The following ADARB2 variants were observed in gnomAD, a reference collection of about 807,000 sequenced individuals.
ADARB2 encodes the protein inactive double-stranded RNA-specific editase B2.
Under a neutral mutation model 62.2 loss-of-function variants are expected in ADARB2, and 25 were observed. The ratio of observed to expected loss-of-function variants is 0.40; its 90% CI spans 0.29 to 0.56. ADARB2 has a LOEUF of 0.56. Among genes scored for constraint, ADARB2 ranks in the 20% least tolerant of loss-of-function variants. The probability of loss-of-function intolerance (pLI) is 0.43; values close to 1 mark genes in which losing one functional copy is unlikely to be tolerated. For synonymous variants in ADARB2, 572 were observed against 500.8 expected, an observed-to-expected ratio of 1.14 and a Z score of -1.90; for missense variants, 1,071 against 1,077.4, an observed-to-expected ratio of 0.99 and a Z score of 0.08.
intron 1 of ADARB2, among the ~76,000 whole-genome samples, chr10:1,570,101 A>G (rs1280170996): frequency 6.6e-6 from 1 of 152,202 alleles, no homozygotes; most frequent in Non-Finnish European, 1.5e-5. Context: ...ACAAACGTAT[A>G]TACGTTAAAA....
intron 6 of ADARB2, among the ~76,000 whole-genome samples, chr10:1,233,244 A>C (rs1830826835): frequency 6.6e-6 from 1 of 152,152 alleles, no homozygotes; most frequent in African/African-American, 2.4e-5. Context: ...GGAACTTTAT[A>C]GTTCACCTGG....
At chr10:1,505,652 T>A (rs1265748787) in intron 1 of ADARB2, among the ~76,000 whole-genome samples, 1 of 151,620 alleles carries the variant, frequency 6.6e-6, no homozygotes, top group Non-Finnish European at 1.5e-5. Flanking sequence ...ATCCCCACCA[T>A]GGCAGCCACC....
chr10:1,340,316 C>T (rs1193779198), intron 3 of ADARB2, among the ~76,000 whole-genome samples: 2 of 128,846 alleles, frequency 1.6e-5, no homozygotes, highest in African/African-American at 3.3e-5. Flanking sequence ...CGGCAATAAC[C>T]GGCATCCACC....
At chr10:1,461,862 C>T (rs1490020847) in intron 1 of ADARB2, among the ~76,000 whole-genome samples, 3 of 151,964 alleles carry the variant, frequency 2.0e-5, no homozygotes, top group African/African-American at 7.3e-5. Context: ...ATTAGCCAGG[C>T]GTGGTGGCAT....
At chr10:1,707,515 C>G (rs908857566) in intron 1 of ADARB2, among the ~76,000 whole-genome samples, 2 of 152,174 alleles carry the variant, frequency 1.3e-5, no homozygotes, top group Non-Finnish European at 2.9e-5. Flanking sequence ...CGTCCTGATG[C>G]GGAAAATTAA....
intron 1 of ADARB2, among the ~76,000 whole-genome samples, chr10:1,687,096 C>A (rs1169409151): frequency 6.7e-6 from 1 of 148,882 alleles, no homozygotes; most frequent in Non-Finnish European, 1.5e-5. Context: ...GCATGATCTC[C>A]TCTCATTGCA....
In ADARB2 at chr10:1,337,733, C is replaced by T. The variant is rs967702367; in HGVS notation, c.1077+25295G>A. The stretch of plus-strand genomic sequence containing the variant: ...CATTTAGCCACTCCAATTATTGATA[C>T]GATTTTACTATATTGATTTTATTGC... On this transcript the variant is annotated intron_variant, in intron 3 of 9. Transcript: ENST00000381312. Among the ~76,000 whole-genome samples the T allele has an allele frequency of 1.6e-4, 25 of 152,194 alleles. 1 individual carries two copies. The highest frequency in any genetic ancestry group is 1.2e-3 in the Admixed American group (18 of 15,290).
intron 1 of ADARB2, among the ~76,000 whole-genome samples, chr10:1,509,129 C>T (rs763693481): frequency 6.6e-6 from 1 of 152,164 alleles, no homozygotes; most frequent in South Asian, 2.1e-4. Flanking sequence ...GTGCCATGCC[C>T]TCGGTGATTA....
intron 4 of ADARB2, among the ~76,000 whole-genome samples, chr10:1,254,171 ATGG>A (rs1392994020): frequency 2.1e-5 from 3 of 141,278 alleles, no homozygotes; most frequent in Non-Finnish European, 4.5e-5. Context: ...TGGTTAGGAC[ATGG>A]TGGGCTCTGT....
intron 1 of ADARB2, among the ~76,000 whole-genome samples, chr10:1,630,996 T>C (rs144057810): frequency 9.1e-5 from 13 of 142,764 alleles, no homozygotes; most frequent in South Asian, 6.8e-4. Flanking sequence ...AACAAACAAA[T>C]AAATGAAAGA....
intron 1 of ADARB2, among the ~76,000 whole-genome samples, chr10:1,452,465 TA>T (rs1831051467): frequency 1.3e-5 from 2 of 152,044 alleles, no homozygotes; most frequent in Admixed American, 6.6e-5. Flanking sequence ...TATGCAGCCA[TA>T]AAAAAGGTTG....
chr10:1,456,944 G>A (rs1181847293), intron 1 of ADARB2, among the ~76,000 whole-genome samples: 2 of 145,586 alleles, frequency 1.4e-5, no homozygotes, highest in East Asian at 2.2e-4. Context: ...ACAGGCAAGC[G>A]CCACCACGCC....
At chr10:1,482,305 A>T (rs1209505584) in intron 1 of ADARB2, among the ~76,000 whole-genome samples, 2 of 152,260 alleles carry the variant, frequency 1.3e-5, no homozygotes, top group African/African-American at 4.8e-5. Context: ...CGTTATTCAC[A>T]ACAGCCAAAA....
intron 3 of ADARB2, among the ~76,000 whole-genome samples, chr10:1,314,737 G>A (rs1242383911): frequency 6.6e-6 from 1 of 152,146 alleles, no homozygotes; most frequent in Non-Finnish European, 1.5e-5. Context: ...ATCTCTGTTA[G>A]ACACGACCCA....
rs1836699103 is a variant in ADARB2 at position 1,182,977 on chromosome 10, C to T, written c.*216G>A. 1 of 581,812 alleles carries T rather than the reference C, an allele frequency of 1.7e-6. No homozygotes were observed. The highest frequency in any genetic ancestry group is 3.0e-6 in the Non-Finnish European group (1 of 331,394). The allele number at this position is 581,812 out of a possible 1,614,324, so 36.0% of individuals were successfully genotyped here. A position where few individuals can be genotyped will look rare whatever the true frequency, so the allele number is the denominator to read the frequency against. The stretch of plus-strand genomic sequence containing the variant: ...GCGCTAACTCAACAGTGCATGTGCC[C>T]CTGGGTGTGGGGGACAGGGTTCTGG... On this transcript the variant is annotated 3_prime_UTR_variant, in exon 10 of 10. Coordinates refer to ENST00000381312, the MANE Select transcript of ADARB2 (RefSeq NM_018702.4).
intron 1 of ADARB2, among the ~76,000 whole-genome samples, chr10:1,448,773 CA>C (rs1831000754): frequency 2.0e-5 from 3 of 152,142 alleles, no homozygotes; most frequent in Non-Finnish European, 4.4e-5. Flanking sequence ...TCTAAATCAA[CA>C]GCTTTCCTTT....
chr10:1,712,355 CA>C (rs1834958346), intron 1 of ADARB2, among the ~76,000 whole-genome samples: 1 of 151,940 alleles, frequency 6.6e-6, no homozygotes, highest in Non-Finnish European at 1.5e-5. Context: ...CTCTAGCAGG[CA>C]AAAATTACCT....
At chr10:1,436,381 C>T (rs892518735) in intron 1 of ADARB2, among the ~76,000 whole-genome samples, 3 of 152,196 alleles carry the variant, frequency 2.0e-5, no homozygotes, top group Non-Finnish European at 4.4e-5. Flanking sequence ...TTAACGATCA[C>T]ACTTACTTCT....
intron 1 of ADARB2, among the ~76,000 whole-genome samples, chr10:1,454,389 A>T (rs1267538530): frequency 6.6e-6 from 1 of 152,250 alleles, no homozygotes; most frequent in Non-Finnish European, 1.5e-5. Flanking sequence ...AAGAGAATTT[A>T]TACATCCATA....
Sources: gnomAD v4.1 joint callset for allele counts (sites outside exome capture counted in the v4.1 genomes callset) on GRCh38, gnomAD v4.1.1 for gene constraint, MANE v1.5 for transcripts, NCBI Gene and HGNC (gene_info 2026-07-23, HGNC 2026-07-21) for gene names.